DECR1: variants seen among roughly 807,000 people sequenced by gnomAD.
DECR1 encodes 2,4-dienoyl-CoA reductase [(3E)-enoyl-CoA-producing], mitochondrial.
In DECR1, 44 loss-of-function variants were observed where a neutral mutation model predicts 38.8. That is an observed-to-expected ratio of 1.13 (90% CI 0.89 to 1.46). DECR1 has a LOEUF of 1.46. Ranked by LOEUF, DECR1 falls within the 40% of genes most tolerant of loss-of-function variation. The probability of loss-of-function intolerance (pLI) is 0.00; values close to 1 mark genes in which losing one functional copy is unlikely to be tolerated. For missense variants in DECR1, 428 were observed against 405.5 expected, an observed-to-expected ratio of 1.06 and a Z score of -0.48; for synonymous variants, 148 against 135.2, an observed-to-expected ratio of 1.09 and a Z score of -0.66.
At chr8:90,017,041 T>C in intron 1 of DECR1, 83 bp from the exon 2 acceptor site, 1 of 905,512 alleles carries the variant, frequency 1.1e-6, no homozygotes, top group Non-Finnish European at 1.7e-6. Context: ...TGATTACTAT[T>C]AAATTCAAGA....
chr8:90,012,616 A>G (rs1053094175), intron 1 of DECR1, among the ~76,000 whole-genome samples: 2 of 152,212 alleles, frequency 1.3e-5, no homozygotes, highest in African/African-American at 2.4e-5. Context: ...TTCTAATGCA[A>G]TTGGAGTCTG....
At position 90,001,498 on chromosome 8, in the gene DECR1, G is replaced by C. The variant is rs759478280; in HGVS notation, c.6G>C (p.Lys2Asn). The C allele has an allele frequency of 6.2e-7, 1 of 1,613,946 alleles. No homozygotes were observed. The highest frequency in any genetic ancestry group is 1.3e-5 in the African/African-American group (1 of 74,954). The change falls in exon 1 of 10, where the codon AAG becomes AAC. Residue 2 changes from lysine to asparagine, a missense_variant. Coordinates refer to ENST00000220764, the MANE Select transcript of DECR1 (RefSeq NM_001359.2). MKLPARVFFTLG... is the reference protein window; with the variant it reads MNLPARVFFTLG... Reference sequence around the variant, plus strand: ...CCGAGTTCTGGAGACTCAACATGAAGCTACCGGCCAGGGTTTTCTTTACTC... The same window carrying C: ...CCGAGTTCTGGAGACTCAACATGAACCTACCGGCCAGGGTTTTCTTTACTC...
At chr8:90,008,607 G>A (rs1228864962) in intron 1 of DECR1, among the ~76,000 whole-genome samples, 5 of 152,104 alleles carry the variant, frequency 3.3e-5, no homozygotes, top group Non-Finnish European at 5.9e-5. Flanking sequence ...TGATGAAATA[G>A]ATCAAGAACA....
At position 90,019,179 on chromosome 8, in the gene DECR1, G is replaced by T. The variant is rs1304195841; in HGVS notation, c.417+7G>T. ...AGTTGCAGGACATCCTAATGTAAGTGTAGCAATGATGAAGCCAAAGTGCAA... is the reference window on the plus strand; with the variant it reads ...AGTTGCAGGACATCCTAATGTAAGTTTAGCAATGATGAAGCCAAAGTGCAA... On this transcript the variant is annotated splice_region_variant and intron_variant, in intron 4 of 9. Coordinates refer to ENST00000220764, the MANE Select transcript of DECR1 (RefSeq NM_001359.2). The T allele has an allele frequency of 1.2e-6, 2 of 1,612,480 alleles. No homozygotes were observed. Among genetic ancestry groups the T allele is most frequent in the African/African-American group, 2.7e-5 (2 of 74,892 alleles).
chr8:90,046,155 G>A (rs918570926), intron 8 of DECR1, among the ~76,000 whole-genome samples: 8 of 152,308 alleles, frequency 5.3e-5, no homozygotes, highest in Middle Eastern at 3.4e-3. Flanking sequence ...GCAGCTCCTC[G>A]CCAGCAACGG....
Position 90,036,894 on chromosome 8 carries a change from G to T in DECR1, c.619G>T (p.Val207Leu), listed in dbSNP as rs774551643. Reference sequence around the variant, plus strand: ...CTATGCTGAGACTGGTTCAGGTTTTGTAGTACCAAGTGCTTCTGCCAAAGC... The same window carrying T: ...CTATGCTGAGACTGGTTCAGGTTTTTTAGTACCAAGTGCTTCTGCCAAAGC... ...TIYAETGSGF[V>L]VPSASAKAGV... The change falls in exon 6 of 10, where the codon GTA (valine) becomes TTA (leucine). Residue 207 changes from valine (V) to leucine (L), a missense_variant. Physicochemically the swap from Val to Leu is conservative, Grantham distance 32. Coordinates refer to ENST00000220764, the MANE Select transcript of DECR1 (RefSeq NM_001359.2). 1.1e-4 allele frequency: 172 copies of T among 1,613,290 alleles called. No homozygotes were observed. The highest frequency in any genetic ancestry group is 1.4e-4 in the Non-Finnish European group (163 of 1,179,706).
intron 4 of DECR1, among the ~76,000 whole-genome samples, chr8:90,019,822 G>A (rs752771295): frequency 1.3e-5 from 2 of 152,184 alleles, no homozygotes; most frequent in Non-Finnish European, 2.9e-5. Flanking sequence ...GAACAGAGTA[G>A]GAAGACTGCT....
rs181453036 is a variant in DECR1, at chr8:90,050,437, T to C, written c.886-1240T>C. On this transcript the variant is annotated intron_variant, in intron 8 of 9. Coordinates refer to ENST00000220764, the MANE Select transcript of DECR1 (RefSeq NM_001359.2). Reference sequence around the variant, plus strand: ...CACATGAAAAAATGCTCATCATCACTGGCCATCAGAGAAATGCAAATCAAA... The same window carrying C: ...CACATGAAAAAATGCTCATCATCACCGGCCATCAGAGAAATGCAAATCAAA... 5.4e-3 allele frequency among the ~76,000 whole-genome samples: 823 copies of C among 152,312 alleles called. 9 individuals carry two copies. The highest frequency in any genetic ancestry group is 5.4e-3 in the South Asian group (26 of 4,832).
chr8:90,045,817 GC>G (rs1257268715), intron 8 of DECR1, among the ~76,000 whole-genome samples: 2 of 152,116 alleles, frequency 1.3e-5, no homozygotes, highest in African/African-American at 4.8e-5. Flanking sequence ...ACAGCCAGGT[GC>G]CCCTCTGAGA....
At chr8:90,006,279 T>A (rs16902273) in intron 1 of DECR1, 47,706 of 703,826 alleles carry the variant, frequency 0.068, 2,947 homozygotes, top group East Asian at 0.2. Context: ...ATGGGGGAGG[T>A]ATGTCCAGTT....
At chr8:90,016,220 A>G (rs556656237) in intron 1 of DECR1, among the ~76,000 whole-genome samples, 14 of 152,340 alleles carry the variant, frequency 9.2e-5, no homozygotes, top group Non-Finnish European at 2.1e-4. Flanking sequence ...GGGAAGAGGC[A>G]TTTGATTTAA....
intron 5 of DECR1, among the ~76,000 whole-genome samples, chr8:90,023,305 A>G (rs938455757): frequency 2.0e-5 from 3 of 152,174 alleles, no homozygotes; most frequent in Admixed American, 6.5e-5. Flanking sequence ...GTTTTCTTGT[A>G]GTATTTAGAA....
chr8:90,019,279 G>T, intron 4 of DECR1, 107 bp downstream of exon 4: 1 of 903,236 alleles, frequency 1.1e-6, no homozygotes. Flanking sequence ...GGACAGGCAA[G>T]CCCGAATCTG....
chr8:90,023,579 A>G (rs777403289), intron 5 of DECR1, among the ~76,000 whole-genome samples: 17 of 152,162 alleles, frequency 1.1e-4, no homozygotes, highest in Non-Finnish European at 2.1e-4. Flanking sequence ...TAGTATTAAG[A>G]ACAAATCAAA....
At chr8:90,051,623 C>A in intron 8 of DECR1, 54 bp from the exon 9 acceptor site, 1 of 1,465,634 alleles carries the variant, frequency 6.8e-7, no homozygotes, top group Non-Finnish European at 9.5e-7. Context: ...GCTAGTGGTT[C>A]AGAAACTTTT....
At chr8:90,051,396 A>G (rs1401010423) in intron 8 of DECR1, among the ~76,000 whole-genome samples, 1 of 152,172 alleles carries the variant, frequency 6.6e-6, no homozygotes, top group Non-Finnish European at 1.5e-5. Flanking sequence ...CAGCCAAACC[A>G]TATCAAGTGA....
chr8:90,011,867 T>C (rs2130021123), intron 1 of DECR1, among the ~76,000 whole-genome samples: 1 of 152,284 alleles, frequency 6.6e-6, no homozygotes, highest in Non-Finnish European at 1.5e-5. Context: ...TTTAAAAAAA[T>C]GTTGCCAGAT....
chr8:90,005,227 T>G, intron 1 of DECR1: 1 of 420,284 alleles, frequency 2.4e-6, no homozygotes, highest in South Asian at 1.7e-5. Flanking sequence ...GTCAGGTTGC[T>G]GGGGGACAGG....
chr8:90,050,143 A>G lies in DECR1; in HGVS notation c.886-1534A>G, dbSNP rs536051260. Among the ~76,000 whole-genome samples the G allele has an allele frequency of 3.3e-3, 496 of 152,366 alleles. 3 individuals carry two copies. Among genetic ancestry groups the G allele is most frequent in the African/African-American group, 0.011 (474 of 41,574 alleles). On this transcript the variant is annotated intron_variant, in intron 8 of 9. Coordinates refer to ENST00000220764, the MANE Select transcript of DECR1 (RefSeq NM_001359.2). Reference sequence around the variant, plus strand: ...CAAGGACTTCATGACTAAAACACCAAAAGCAATGGCCACAAAAGCCAAAAT... The same window carrying G: ...CAAGGACTTCATGACTAAAACACCAGAAGCAATGGCCACAAAAGCCAAAAT...
Sources: allele counts gnomAD v4.1 joint callset (sites outside exome capture counted in the v4.1 genomes callset), GRCh38; gene constraint gnomAD v4.1.1; transcripts MANE v1.5; gene names NCBI Gene and HGNC (gene_info 2026-07-23, HGNC 2026-07-21).